The following NLRX1 variants were observed in gnomAD, a reference collection of about 807,000 sequenced individuals.
The protein encoded by NLRX1 is NOD-like receptor X1.
In NLRX1, 67 loss-of-function variants were observed where a neutral mutation model predicts 74.2. The observed-to-expected ratio is 0.90, with a 90% CI of 0.74 to 1.11. The LOEUF (loss-of-function observed/expected upper bound fraction) is 1.11. Ranked by LOEUF, NLRX1 falls within the 50% of genes least tolerant of loss-of-function variation. The probability of loss-of-function intolerance (pLI) is 0.00; values close to 1 mark genes in which losing one functional copy is unlikely to be tolerated. For synonymous variants in NLRX1, 506 were observed against 559.1 expected, an observed-to-expected ratio of 0.91 and a Z score of 1.34; for missense variants, 1,191 against 1,305.4, an observed-to-expected ratio of 0.91 and a Z score of 1.35.
In NLRX1 at chr11:119,183,554, GGAATGGGCATA is replaced by G. The variant is rs1028210844; in HGVS notation, c.*117_*127del. 16 of 1,070,414 alleles carry G rather than the reference GGAATGGGCATA, an allele frequency of 1.5e-5. No individual in the cohort carries two copies. In the African/African-American group the frequency reaches 2.2e-4, roughly 15 times the overall value. The allele number at this position is 1,070,414 out of a possible 1,614,324, so 66.3% of individuals were successfully genotyped here. ...AGATTCCTTCAGGTCTGGAGGCAGA[GGAATGGGCATA>G]GCTGAGCCAGTTGCCCTCCTAGGGC... On this transcript the variant is annotated 3_prime_UTR_variant, in exon 10 of 10. Coordinates refer to ENST00000409109, the MANE Select transcript of NLRX1 (RefSeq NM_001282144.2). The surrounding 1 kb of genome is among the most constrained non-coding windows in gnomAD (Gnocchi z 5.7).
chr11:119,169,741 G>C (rs1213416739), intron 1 of NLRX1, among the ~76,000 whole-genome samples: 1 of 152,134 alleles, frequency 6.6e-6, no homozygotes, highest in African/African-American at 2.4e-5. Context: ...TGCAGTCCCC[G>C]CACTTTGGGA....
intron 6 of NLRX1, 64 bp from the exon 7 acceptor site, chr11:119,179,629 T>C: frequency 5.7e-6 from 7 of 1,219,362 alleles, no homozygotes; most frequent in East Asian, 3.2e-5. Context: ...TACCTTAAGC[T>C]GAACCTTGAA....
At chr11:119,181,880 C>G (rs1436964161) in intron 8 of NLRX1, among the ~76,000 whole-genome samples, 2 of 152,148 alleles carry the variant, frequency 1.3e-5, no homozygotes, top group African/African-American at 2.4e-5. Context: ...ACTCTGACTC[C>G]TCTGCCAGGC....
rs1948596686 is a variant in NLRX1, at chr11:119,173,086, A to G, written c.229+97A>G. ...AGGGAGGCATAGAGGATCCACTGCC[A>G]TCTTCCATCGGTGGTCCCTCCTCCT... is the stretch of plus-strand genomic sequence containing the variant. On this transcript the variant is annotated intron_variant, in intron 4 of 9. Coordinates refer to ENST00000409109, the MANE Select transcript of NLRX1 (RefSeq NM_001282144.2). The surrounding 1 kb of genome is among the most constrained non-coding windows in gnomAD (Gnocchi z 4.0). The G allele has an allele frequency of 5.5e-6, 5 of 916,578 alleles. No homozygotes were observed. In the East Asian group the frequency reaches 7.4e-5, roughly 14 times the overall value. The allele number at this position is 916,578 out of a possible 1,614,324, so 56.8% of individuals were successfully genotyped here.
chr11:119,173,289 CTT>C lies in NLRX1; in HGVS notation c.230-188_230-187del, dbSNP rs1228309771. 2.2e-5 allele frequency: 16 copies of C among 725,470 alleles called. No individual in the cohort carries two copies. In the East Asian group the frequency reaches 3.9e-4, roughly 18 times the overall value. 44.9% of individuals were successfully genotyped at this position (725,470 alleles called of 1,614,324 possible). A position where few individuals can be genotyped will look rare whatever the true frequency, so the allele number is the denominator to read the frequency against. ...AACCAGTTTGTCCAGTGGCTTCCCA[CTT>C]TCTGACATAGGGGTTCCAGACTTTC... On this transcript the variant is annotated intron_variant, in intron 4 of 9. Coordinates refer to ENST00000409109, the MANE Select transcript of NLRX1 (RefSeq NM_001282144.2). The surrounding 1 kb of genome is among the most constrained non-coding windows in gnomAD (Gnocchi z 4.0).
intron 8 of NLRX1, chr11:119,181,482 A>C: frequency 7.6e-6 from 4 of 524,730 alleles, no homozygotes; most frequent in Non-Finnish European, 1.4e-5. Context: ...CGTGGCTAAA[A>C]TCAGCCTGGG....
At chr11:119,170,645 G>T (rs760584668) in intron 1 of NLRX1, among the ~76,000 whole-genome samples, 1 of 152,186 alleles carries the variant, frequency 6.6e-6, no homozygotes, top group South Asian at 2.1e-4. Flanking sequence ...TCAGCTAAAA[G>T]GATCTGATAT....
rs202178188 is a variant in NLRX1 at position 119,181,139 on chromosome 11, C to T, written c.2268-32C>T. The T allele has an allele frequency of 1.7e-3, 2,548 of 1,535,364 alleles. 2 individuals carry two copies. The highest frequency in any genetic ancestry group is 1.9e-3 in the Non-Finnish European group (2,121 of 1,109,196). ...GCCTGCTGAATTCCCTCCCTGGTCT[C>T]TCACCTCCCCTCTGGCCACCTTCTG... On this transcript the variant is annotated intron_variant, in intron 7 of 9. Transcript: ENST00000409109.
At chr11:119,182,534 C>T (rs953114567) in intron 9 of NLRX1, among the ~76,000 whole-genome samples, 189 bp downstream of exon 9, 1 of 152,176 alleles carries the variant, frequency 6.6e-6, no homozygotes, top group African/African-American at 2.4e-5. Context: ...GGCGCTTAAA[C>T]TGCACCAATT....
At position 119,174,118 on chromosome 11, in the gene NLRX1, A is replaced by G. The variant is rs772042875; in HGVS notation, c.849+20A>G. 1.2e-6 allele frequency: 2 copies of G among 1,610,062 alleles called. No homozygotes were observed. The highest frequency in any genetic ancestry group is 1.1e-5 in the South Asian group (1 of 90,808). On this transcript the variant is annotated intron_variant, in intron 5 of 9. Coordinates refer to ENST00000409109, the MANE Select transcript of NLRX1 (RefSeq NM_001282144.2). ...CCTCAGGTGGGTGGCCCTTTACCCC[A>G]GGTTATCACTGCTGCCCGTTGACTC...
rs1948614470 is a variant in NLRX1, at chr11:119,173,759, A to G, written c.510A>G (p.Thr170=). The G allele has an allele frequency of 6.2e-7, 1 of 1,613,750 alleles. No homozygotes were observed. Among genetic ancestry groups the G allele is most frequent in the Non-Finnish European group, 8.5e-7 (1 of 1,180,028 alleles). ...QTVVLYGTVG[T]GKSTLVRKMV... ...TGGTGCTGTATGGGACAGTGGGCACAGGCAAGAGCACGCTGGTGCGCAAGA... is the reference window on the plus strand; with the variant it reads ...TGGTGCTGTATGGGACAGTGGGCACGGGCAAGAGCACGCTGGTGCGCAAGA... The change falls in exon 5 of 10, where the codon ACA becomes ACG. Residue 170 remains threonine (T), a synonymous_variant. Coordinates refer to ENST00000409109, the MANE Select transcript of NLRX1 (RefSeq NM_001282144.2). This position sits in a 1 kb window ranked among gnomAD's most constrained non-coding sequence, Gnocchi z 4.0.
chr11:119,184,007 C>T lies in NLRX1; in HGVS notation c.*568C>T, dbSNP rs773875999. On this transcript the variant is annotated 3_prime_UTR_variant, in exon 10 of 10. Coordinates refer to ENST00000409109, the MANE Select transcript of NLRX1 (RefSeq NM_001282144.2). ...TTGCTGCTATTAAAAAGCCGTGTGCCTTCTACCAATTGTGGCCTCTTCTTT... is the reference window on the plus strand; with the variant it reads ...TTGCTGCTATTAAAAAGCCGTGTGCTTTCTACCAATTGTGGCCTCTTCTTT... 3 of 728,468 alleles carry T rather than the reference C, an allele frequency of 4.1e-6. No homozygotes were observed. Among genetic ancestry groups the T allele is most frequent in the Non-Finnish European group, 7.7e-6 (3 of 388,578 alleles). 45.1% of individuals were successfully genotyped at this position (728,468 alleles called of 1,614,324 possible).
Position 119,183,209 on chromosome 11 carries a change from C to G in NLRX1, c.2698C>G (p.Leu900Val). 1 of 1,614,230 alleles carries G rather than the reference C, an allele frequency of 6.2e-7. No homozygotes were observed. The highest frequency in any genetic ancestry group is 8.5e-7 in the Non-Finnish European group (1 of 1,180,040). Residue 900 changes from leucine (L) to valine (V), a missense_variant, in exon 10 of 10, where the codon CTG becomes GTG. By Grantham distance (32) the Leu-to-Val change is conservative. Coordinates refer to ENST00000409109, the MANE Select transcript of NLRX1 (RefSeq NM_001282144.2). The surrounding 1 kb of genome is among the most constrained non-coding windows in gnomAD (Gnocchi z 5.7). ...AGGTGGTGCCCGGGTGGTGGTGTCACTGACAGAGGGGACGGCGGTGTCAGA... is the reference window on the plus strand; with the variant it reads ...AGGTGGTGCCCGGGTGGTGGTGTCAGTGACAGAGGGGACGGCGGTGTCAGA... The part of the protein sequence containing the change: ...AEGGARVVVS[L>V]TEGTAVSEYW...
chr11:119,177,129 T>C (rs966702838), intron 6 of NLRX1, among the ~76,000 whole-genome samples: 5 of 152,054 alleles, frequency 3.3e-5, no homozygotes, highest in African/African-American at 1.2e-4. Context: ...TCGCCCAGGC[T>C]GGAGTGCAGT....
In NLRX1 at chr11:119,172,897, C is replaced by T. The variant is rs1254165802; in HGVS notation, c.141-4C>T. ...CCCAGCTCATCCCCTCTCCTTGTTCCCAGGGCCTTTATACGCCACCACGGA... is the reference window on the plus strand; with the variant it reads ...CCCAGCTCATCCCCTCTCCTTGTTCTCAGGGCCTTTATACGCCACCACGGA... On this transcript the variant is annotated splice_polypyrimidine_tract_variant and splice_region_variant and intron_variant, in intron 3 of 9. Transcript: ENST00000409109. 1 of 1,612,750 alleles carries T rather than the reference C, an allele frequency of 6.2e-7. No homozygotes were observed. The highest frequency in any genetic ancestry group is 8.5e-7 in the Non-Finnish European group (1 of 1,178,878).
chr11:119,183,893 C>G lies in NLRX1; in HGVS notation c.*454C>G, dbSNP rs751315006. On this transcript the variant is annotated 3_prime_UTR_variant, in exon 10 of 10. Transcript: ENST00000409109. The surrounding 1 kb of genome is among the most constrained non-coding windows in gnomAD (Gnocchi z 5.7). The stretch of plus-strand genomic sequence containing the variant: ...CTCACCTGTGGACACCGAGGATGCC[C>G]TCACATTGGTGCTTTCTCCTCATCC... 2 of 780,850 alleles carry G rather than the reference C, an allele frequency of 2.6e-6. No individual in the cohort carries two copies. Among genetic ancestry groups the G allele is most frequent in the South Asian group, 2.7e-5 (2 of 74,606 alleles). 48.4% of individuals were successfully genotyped at this position (780,850 alleles called of 1,614,324 possible). A position where few individuals can be genotyped will look rare whatever the true frequency, so the allele number is the denominator to read the frequency against.
At position 119,183,343 on chromosome 11, in the gene NLRX1, G is replaced by A; in HGVS notation, c.2832G>A (p.Arg944=). 1 of 1,614,262 alleles carries A rather than the reference G, an allele frequency of 6.2e-7. No homozygotes were observed. Among genetic ancestry groups the A allele is most frequent in the East Asian group, 2.2e-5 (1 of 44,886 alleles). The part of the protein sequence containing the change: ...ELLLRDLEDS[R]GATLNPWRKA... ...TACTGCGGGATCTGGAAGATAGCCG[G>A]GGTGCCACCCTTAATCCTTGGCGCA... Residue 944 remains arginine (R), a synonymous_variant, in exon 10 of 10, where the codon CGG becomes CGA. Coordinates refer to ENST00000409109, the MANE Select transcript of NLRX1 (RefSeq NM_001282144.2). This position sits in a 1 kb window ranked among gnomAD's most constrained non-coding sequence, Gnocchi z 5.7.
chr11:119,182,924 A>AC (rs965774649), intron 9 of NLRX1, among the ~76,000 whole-genome samples, 194 bp from the exon 10 acceptor site: 9 of 151,400 alleles, frequency 5.9e-5, no homozygotes, highest in African/African-American at 2.2e-4. Flanking sequence ...AAAAACAAAA[A>AC]AAAAAAAGAA....
chr11:119,179,221 C>T (rs1223242961), intron 6 of NLRX1, among the ~76,000 whole-genome samples: 1 of 152,196 alleles, frequency 6.6e-6, no homozygotes, highest in Non-Finnish European at 1.5e-5. Context: ...CTTCTCACCA[C>T]CTCCTGGGTT....
Sources: allele counts gnomAD v4.1 joint callset (sites outside exome capture counted in the v4.1 genomes callset), GRCh38; gene constraint gnomAD v4.1.1; non-coding constraint Gnocchi (gnomAD v3.1); transcripts MANE v1.5; gene names NCBI Gene and HGNC (gene_info 2026-07-23, HGNC 2026-07-21).